The following HOMER2 variants were observed in gnomAD, a reference collection of about 807,000 sequenced individuals.
HOMER2 encodes homer protein homolog 2.
A neutral mutation model predicts 47.0 loss-of-function variants in HOMER2; 27 were observed. The observed-to-expected ratio is 0.57, with a 90% CI of 0.42 to 0.79. The LOEUF (loss-of-function observed/expected upper bound fraction) is 0.79. Among genes scored for constraint, HOMER2 ranks in the 30% least tolerant of loss-of-function variants. The pLI is 0.00. For synonymous variants in HOMER2, 161 were observed against 163.8 expected (o/e 0.98, Z 0.13); for missense variants, 443 against 435.0 (o/e 1.02, Z -0.16).
At chr15:82,923,486 CAAAAA>C (rs555074000) in intron 1 of HOMER2, among the ~76,000 whole-genome samples, 1 of 56,306 alleles carries the variant, frequency 1.8e-5, no homozygotes. Flanking sequence ...GAGTCCGTCT[CAAAAA>C]AAAAAAAAAA....
intron 5 of HOMER2, among the ~76,000 whole-genome samples, chr15:82,855,615 T>A (rs553845923): frequency 3.5e-4 from 54 of 152,260 alleles, no homozygotes; most frequent in African/African-American, 1.2e-3. Context: ...TTTGAAGGAA[T>A]CCAGATCTGA....
intron 1 of HOMER2, among the ~76,000 whole-genome samples, chr15:82,926,799 A>T (rs946978175): frequency 6.6e-6 from 1 of 152,214 alleles, no homozygotes; most frequent in Non-Finnish European, 1.5e-5. Context: ...GATTGATGCC[A>T]TTATACAAGG....
chr15:82,908,725 G>A (rs1442228786), intron 1 of HOMER2, among the ~76,000 whole-genome samples: 1 of 149,114 alleles, frequency 6.7e-6, no homozygotes, highest in Non-Finnish European at 1.5e-5. Flanking sequence ...TTTTCTTTTA[G>A]TCAGCTGTTT....
intron 1 of HOMER2, among the ~76,000 whole-genome samples, chr15:82,984,978 A>T (rs2151267051): frequency 6.6e-6 from 1 of 152,332 alleles, no homozygotes; most frequent in East Asian, 1.9e-4. Context: ...AAATACATGA[A>T]ATTCCAGAAA....
chr15:82,842,442 C>T (rs963645361), exon 2 of HOMER2: 3 of 149,526 alleles, frequency 2.0e-5, no homozygotes, highest in Admixed American at 6.7e-5. Context: ...TTACAGGTTC[C>T]TATCACCACA....
intron 1 of HOMER2, among the ~76,000 whole-genome samples, chr15:82,904,490 T>C (rs2035166250): frequency 6.6e-6 from 1 of 152,172 alleles, no homozygotes; most frequent in Non-Finnish European, 1.5e-5. Flanking sequence ...CCCCTCGTGC[T>C]TGAGGCAGGG....
intron 1 of HOMER2, among the ~76,000 whole-genome samples, chr15:82,901,925 G>T (rs933199697): frequency 6.6e-6 from 1 of 152,230 alleles, no homozygotes; most frequent in African/African-American, 2.4e-5. Flanking sequence ...TATCTGTCGT[G>T]TTAGCCACAA....
intron 1 of HOMER2, among the ~76,000 whole-genome samples, chr15:82,921,766 C>T (rs1282398547): frequency 6.6e-6 from 1 of 152,174 alleles, no homozygotes; most frequent in African/African-American, 2.4e-5. Context: ...TCCCTGTGGC[C>T]CCTCCACTCA....
chr15:82,978,636 G>A (rs2030287821), intron 1 of HOMER2, among the ~76,000 whole-genome samples: 3 of 152,332 alleles, frequency 2.0e-5, no homozygotes, highest in Non-Finnish European at 4.4e-5. Context: ...CAAACCCCGT[G>A]TGTTGTGGGA....
upstream of HOMER2, among the ~76,000 whole-genome samples, chr15:82,956,695 T>C (rs181632421): frequency 1.3e-5 from 2 of 152,272 alleles, no homozygotes; most frequent in East Asian, 3.9e-4. Context: ...GTGGATGGGA[T>C]GTGTATTAGG....
At chr15:82,876,875 T>C (rs1020166297) in intron 2 of HOMER2, among the ~76,000 whole-genome samples, 1 of 152,192 alleles carries the variant, frequency 6.6e-6, no homozygotes, top group Non-Finnish European at 1.5e-5. Flanking sequence ...ACTAAAGGGA[T>C]CTAGACAGTA....
At chr15:82,911,619 T>A (rs898846283) in intron 1 of HOMER2, among the ~76,000 whole-genome samples, 1 of 152,220 alleles carries the variant, frequency 6.6e-6, no homozygotes, top group African/African-American at 2.4e-5. Context: ...CACTATCAGT[T>A]GGTCTCTCAG....
chr15:82,856,651 A>G (rs12908860), intron 5 of HOMER2, among the ~76,000 whole-genome samples: 1 of 152,162 alleles, frequency 6.6e-6, no homozygotes, highest in African/African-American at 2.4e-5. Context: ...TAAAGCTCTC[A>G]CAATTGTCTG....
chr15:82,836,175 T>C (rs2051124262), downstream of HOMER2: 1 of 152,290 alleles, frequency 6.6e-6, no homozygotes, highest in Admixed American at 6.5e-5. Flanking sequence ...TTTCTCCCTT[T>C]TCCTGCTTTT....
intron 1 of HOMER2, among the ~76,000 whole-genome samples, chr15:82,969,224 C>T (rs1327897517): frequency 6.6e-6 from 1 of 152,102 alleles, no homozygotes; most frequent in African/African-American, 2.4e-5. Flanking sequence ...CATCTTGGGG[C>T]GAAACTGCCA....
At chr15:82,856,394 C>G (rs1188681177) in intron 5 of HOMER2, among the ~76,000 whole-genome samples, 4 of 152,096 alleles carry the variant, frequency 2.6e-5, no homozygotes, top group African/African-American at 9.7e-5. Flanking sequence ...GGGAGGATAA[C>G]TTGATAAGCC....
chr15:82,907,471 G>A (rs1202650452), intron 1 of HOMER2, among the ~76,000 whole-genome samples: 1 of 146,318 alleles, frequency 6.8e-6, no homozygotes, highest in Non-Finnish European at 1.5e-5. Context: ...GAAGGAAGGA[G>A]AAAGGAAGGA....
chr15:82,895,943 T>G, intron 1 of HOMER2, among the ~76,000 whole-genome samples: 1 of 152,102 alleles, frequency 6.6e-6, no homozygotes, highest in Non-Finnish European at 1.5e-5. Context: ...TGGGGAGACA[T>G]TCACATTAGA....
intron 2 of HOMER2, among the ~76,000 whole-genome samples, chr15:82,880,932 G>A (rs1268356029): frequency 6.6e-6 from 1 of 152,196 alleles, no homozygotes; most frequent in Non-Finnish European, 1.5e-5. Context: ...CCAAGGGTGA[G>A]TGTGTGAAGG....
Sources: allele counts gnomAD v4.1 joint callset (sites outside exome capture counted in the v4.1 genomes callset), GRCh38; gene constraint gnomAD v4.1.1; transcripts MANE v1.5; gene names NCBI Gene and HGNC (gene_info 2026-07-23, HGNC 2026-07-21).